The following STAT4 variants were observed in gnomAD, a reference collection of about 807,000 sequenced individuals.
STAT4 encodes signal transducer and activator of transcription 4.
A neutral mutation model predicts 110.5 loss-of-function variants in STAT4; 42 were observed. That is an observed-to-expected ratio of 0.38 (90% CI 0.30 to 0.49). The LOEUF is 0.49. Among genes scored for constraint, STAT4 ranks in the 20% least tolerant of loss-of-function variants. STAT4 has a pLI of 0.95. For missense variants in STAT4, 632 were observed against 887.9 expected (o/e 0.71, Z 3.66); for synonymous variants, 284 against 302.2 (o/e 0.94, Z 0.63).
In STAT4 at chr2:191,142,927, C is replaced by T. The variant is rs144719827; in HGVS notation, c.273+3686G>A. ...ATATGACATTATGCATTGTCAAAAC[C>T]CATAAAATTATACAACACAAGGAGT... On this transcript the variant is annotated intron_variant, in intron 3 of 23. Coordinates refer to ENST00000392320, the MANE Select transcript of STAT4 (RefSeq NM_003151.4). The surrounding 1 kb of genome is among the most constrained non-coding windows in gnomAD (Gnocchi z 4.1). Among the ~76,000 whole-genome samples the T allele has an allele frequency of 1.5e-3, 221 of 152,082 alleles. 1 individual carries two copies. Among genetic ancestry groups the T allele is most frequent in the Admixed American group, 5.9e-3 (90 of 15,296 alleles).
intron 3 of STAT4, among the ~76,000 whole-genome samples, chr2:191,102,209 C>T (rs571883201): frequency 6.6e-6 from 1 of 152,196 alleles, no homozygotes; most frequent in South Asian, 2.1e-4. Flanking sequence ...AATAATGGAA[C>T]ACTAGGCATA....
chr2:191,148,078 G>A lies in STAT4; in HGVS notation c.126C>T (p.Asp42=). 9.9e-6 allele frequency: 16 copies of A among 1,613,706 alleles called. No individual in the cohort carries two copies. The highest frequency in any genetic ancestry group is 1.4e-5 in the Non-Finnish European group (16 of 1,179,738). ...HLLAQWIENQ[D]WEAASNNETM... ...AGGGAAAATATGTTTGATCCTACCA[G>A]TCTTGATTTTCAATCCATTGGGCCA... Residue 42 remains aspartate (D), a splice_region_variant and synonymous_variant, in exon 2 of 24, where the codon GAC becomes GAT. Coordinates refer to ENST00000392320, the MANE Select transcript of STAT4 (RefSeq NM_003151.4).
In STAT4 at chr2:191,083,983, G is replaced by T. The variant is rs1697558946; in HGVS notation, c.274-7658C>A. Among the ~76,000 whole-genome samples the T allele has an allele frequency of 6.6e-6, 1 of 152,158 alleles. No individual in the cohort carries two copies. The highest frequency in any genetic ancestry group is 1.5e-5 in the Non-Finnish European group (1 of 68,036). On this transcript the variant is annotated intron_variant, in intron 3 of 23. Transcript: ENST00000392320. The surrounding 1 kb of genome is among the most constrained non-coding windows in gnomAD (Gnocchi z 4.6). ...GTGTTTTAAGATATAGAACTTTGTG[G>T]CTGGGTGTGGTGGCTCACGCCTGTA...
chr2:191,081,964 G>T (rs1008765906), intron 3 of STAT4, among the ~76,000 whole-genome samples: 1 of 152,098 alleles, frequency 6.6e-6, no homozygotes, highest in Non-Finnish European at 1.5e-5. Flanking sequence ...TCAGTCAGCA[G>T]GATGTTTCTG....
intron 3 of STAT4, chr2:191,131,636 A>T: frequency 1.8e-6 from 1 of 570,398 alleles, no homozygotes; most frequent in Non-Finnish European, 2.6e-6. Flanking sequence ...GAGTGGTGTC[A>T]GGGAGGAGGC....
chr2:191,073,314 A>G, intron 4 of STAT4, 124 bp from the exon 5 acceptor site: 1 of 709,404 alleles, frequency 1.4e-6, no homozygotes, highest in East Asian at 2.5e-5. Flanking sequence ...ATAGTCATTA[A>G]AAAATCATGC....
intron 3 of STAT4, among the ~76,000 whole-genome samples, chr2:191,137,808 C>T (rs910744561): frequency 1.3e-5 from 2 of 151,904 alleles, no homozygotes; most frequent in Non-Finnish European, 2.9e-5. Flanking sequence ...GATATCCCTA[C>T]ACCGAAGAAT....
intron 3 of STAT4, among the ~76,000 whole-genome samples, chr2:191,128,758 G>A (rs193098088): frequency 2.0e-5 from 3 of 152,150 alleles, no homozygotes; most frequent in African/African-American, 7.2e-5. Context: ...CCTGGCTTGT[G>A]AAAAATACTG....
rs1175077815 is a variant in STAT4, at chr2:191,142,745, TA to T, written c.273+3867del. Among the ~76,000 whole-genome samples the T allele has an allele frequency of 2.0e-5, 3 of 151,736 alleles. No individual in the cohort carries two copies. The highest frequency in any genetic ancestry group is 2.9e-5 in the Non-Finnish European group (2 of 67,952). On this transcript the variant is annotated intron_variant, in intron 3 of 23. Transcript: ENST00000392320. This position sits in a 1 kb window ranked among gnomAD's most constrained non-coding sequence, Gnocchi z 4.1. ...AAATATGTAAAGTATTGTATATCAA[TA>T]AAAAAAGAATTATCACATGGGAGAA...
At chr2:191,100,539 A>G (rs1162022944) in intron 3 of STAT4, among the ~76,000 whole-genome samples, 1 of 152,150 alleles carries the variant, frequency 6.6e-6, no homozygotes, top group Non-Finnish European at 1.5e-5. Context: ...AAAAGATGCT[A>G]ACACCTACAG....
chr2:191,091,793 T>A lies in STAT4; in HGVS notation c.274-15468A>T, dbSNP rs185818600. Among the ~76,000 whole-genome samples, 48 of 152,322 alleles carry A rather than the reference T, an allele frequency of 3.2e-4. No individual in the cohort carries two copies. The highest frequency in any genetic ancestry group is 2.0e-3 in the Admixed American group (30 of 15,306). On this transcript the variant is annotated intron_variant, in intron 3 of 23. Coordinates refer to ENST00000392320, the MANE Select transcript of STAT4 (RefSeq NM_003151.4). The surrounding 1 kb of genome is among the most constrained non-coding windows in gnomAD (Gnocchi z 5.4). ...GAGATAAAGAACTGTTAAGTAACTT[T>A]AAGCCGGTATTCACTTTGACTCCAG...
chr2:191,149,275 A>T (rs972140238), intron 1 of STAT4, among the ~76,000 whole-genome samples: 1 of 152,170 alleles, frequency 6.6e-6, no homozygotes, highest in African/African-American at 2.4e-5. Flanking sequence ...TATATTTCAT[A>T]TACATATTCT....
Position 191,107,063 on chromosome 2 carries a change from C to T in STAT4, c.274-30738G>A, listed in dbSNP as rs1698303276. On this transcript the variant is annotated intron_variant, in intron 3 of 23. Transcript: ENST00000392320. This position sits in a 1 kb window ranked among gnomAD's most constrained non-coding sequence, Gnocchi z 4.2. Reference sequence around the variant, plus strand: ...ATGTATGAAATTCAAGTACTCTACACATTAATGTCAGCAGTAGAAACGTAT... The same window carrying T: ...ATGTATGAAATTCAAGTACTCTACATATTAATGTCAGCAGTAGAAACGTAT... Among the ~76,000 whole-genome samples, 1 of 152,170 alleles carries T rather than the reference C, an allele frequency of 6.6e-6. No homozygotes were observed. The highest frequency in any genetic ancestry group is 2.1e-4 in the South Asian group (1 of 4,830).
chr2:191,103,398 C>G (rs1326910553), intron 3 of STAT4, among the ~76,000 whole-genome samples: 1 of 152,002 alleles, frequency 6.6e-6, no homozygotes, highest in Admixed American at 6.6e-5. Context: ...GCCTTTTTGT[C>G]TTCTTATGTA....
At chr2:191,044,079 G>A (rs1241818347) in intron 14 of STAT4, among the ~76,000 whole-genome samples, 1 of 152,040 alleles carries the variant, frequency 6.6e-6, no homozygotes, top group African/African-American at 2.4e-5. Flanking sequence ...TGCAAAGTTT[G>A]AATTTTTAAG....
chr2:191,130,263 C>T (rs1244715019), intron 3 of STAT4, among the ~76,000 whole-genome samples: 2 of 149,758 alleles, frequency 1.3e-5, no homozygotes, highest in African/African-American at 5.0e-5. Flanking sequence ...TGGCCTGCCG[C>T]CCAGGCTGGA....
chr2:191,057,537 C>T (rs1696731696), intron 13 of STAT4, among the ~76,000 whole-genome samples: 1 of 150,592 alleles, frequency 6.6e-6, no homozygotes, highest in Non-Finnish European at 1.5e-5. Context: ...TAATTCTTCA[C>T]TGATGGCATG....
rs1251017063 is a variant in STAT4 at position 191,037,431 on chromosome 2, G to A, written c.1435-1132C>T. Among the ~76,000 whole-genome samples the A allele has an allele frequency of 2.0e-5, 3 of 152,194 alleles. No individual in the cohort carries two copies. Among genetic ancestry groups the A allele is most frequent in the Admixed American group, 6.5e-5 (1 of 15,280 alleles). ...AACCTCTCAAGTAGCTGAAACTACA[G>A]GTGTGTACCATTGTGCCCAGCTAAA... On this transcript the variant is annotated intron_variant, in intron 16 of 23. Transcript: ENST00000392320. This position sits in a 1 kb window ranked among gnomAD's most constrained non-coding sequence, Gnocchi z 4.8.
chr2:191,085,911 C>T (rs1218796150), intron 3 of STAT4, among the ~76,000 whole-genome samples: 1 of 151,950 alleles, frequency 6.6e-6, no homozygotes, highest in African/African-American at 2.4e-5. Context: ...TTTTCAAAGT[C>T]AAGAAAACCT....
Sources: allele counts gnomAD v4.1 joint callset (sites outside exome capture counted in the v4.1 genomes callset), GRCh38; gene constraint gnomAD v4.1.1; non-coding constraint Gnocchi (gnomAD v3.1); transcripts MANE v1.5; gene names NCBI Gene and HGNC (gene_info 2026-07-23, HGNC 2026-07-21).